The following COL5A1 variants were observed in gnomAD, a reference collection of about 807,000 sequenced individuals.
COL5A1 encodes the protein collagen alpha-1(V) chain.
In COL5A1, 16 loss-of-function variants were observed where a neutral mutation model predicts 263.7. That is an observed-to-expected ratio of 0.06 (90% CI 0.04 to 0.09). The LOEUF (loss-of-function observed/expected upper bound fraction) is 0.09. COL5A1 is among the 10% of genes least tolerant of loss of function. The pLI is 1.00. For missense variants in COL5A1, 2,036 were observed against 2,540.5 expected (o/e 0.80, Z 4.27); for synonymous variants, 1,012 against 1,004.5 (o/e 1.01, Z -0.14).
rs771130127 is a variant in COL5A1, at chr9:134,814,017, C to T, written c.3887C>T (p.Pro1296Leu). ...GGCGAAGCAGGTGAGCCTGGCCTTC[C>T]GGGAGAAGGCGGCCCCCCGGTGAGT... ...EPGEAGEPGL[P>L]GEGGPPGPKG... Residue 1296 changes from proline (P) to leucine (L), a missense_variant, in exon 49 of 66, where the codon CCG becomes CTG. By Grantham distance (98) the Pro-to-Leu change is moderately conservative. This residue lies in a region of COL5A1 where 1,078 missense variants were observed against 1,521.4 expected (regional missense o/e 0.71). Transcript: ENST00000371817. The T allele has an allele frequency of 2.1e-5, 32 of 1,550,722 alleles. No individual in the cohort carries two copies. Among genetic ancestry groups the T allele is most frequent in the Middle Eastern group, 1.7e-4 (1 of 6,014 alleles).
intron 31 of COL5A1, among the ~76,000 whole-genome samples, chr9:134,787,358 A>G (rs1420582902): frequency 6.6e-6 from 1 of 152,174 alleles, no homozygotes; most frequent in African/African-American, 2.4e-5. Flanking sequence ...CCCCCTGCCT[A>G]GATTGGCAGG....
chr9:134,701,707 G>T (rs575154089), intron 4 of COL5A1, among the ~76,000 whole-genome samples: 1 of 152,288 alleles, frequency 6.6e-6, no homozygotes, highest in Admixed American at 6.5e-5. Context: ...TGGGACAGGG[G>T]CAGCTGTCCT....
chr9:134,775,100 G>A (rs1212755059), intron 27 of COL5A1, among the ~76,000 whole-genome samples, 188 bp downstream of exon 27: 1 of 152,252 alleles, frequency 6.6e-6, no homozygotes, highest in Non-Finnish European at 1.5e-5. Flanking sequence ...GCAGGTGAGG[G>A]TGTGACCAGC....
intron 1 of COL5A1, among the ~76,000 whole-genome samples, chr9:134,650,504 C>T (rs894510584): frequency 2.5e-4 from 38 of 152,364 alleles, no homozygotes; most frequent in African/African-American, 8.2e-4. Flanking sequence ...ATAGGCGAGC[C>T]GTCTGTGCCC....
intron 14 of COL5A1, among the ~76,000 whole-genome samples, chr9:134,753,644 T>C (rs1454431508): frequency 6.6e-6 from 1 of 152,146 alleles, no homozygotes; most frequent in East Asian, 1.9e-4. Context: ...TAGGAAGAGA[T>C]CCAAACAACT....
intron 1 of COL5A1, among the ~76,000 whole-genome samples, chr9:134,685,010 TGATC>T (rs1355906293): frequency 1.9e-4 from 8 of 41,784 alleles, no homozygotes; most frequent in Non-Finnish European, 2.8e-4. Flanking sequence ...ATCCATTAAT[TGATC>T]CATCCATCCA....
In COL5A1 at chr9:134,682,513, G is replaced by T. The variant is rs1244600598; in HGVS notation, c.110-8399G>T. Among the ~76,000 whole-genome samples the T allele has an allele frequency of 6.6e-6, 1 of 152,224 alleles. No homozygotes were observed. Among genetic ancestry groups the T allele is most frequent in the Non-Finnish European group, 1.5e-5 (1 of 68,050 alleles). ...TGGAAATAACCTTCTAATGAGATAA[G>T]GAGATAAAGATGATACTAGAATCCT... is the stretch of plus-strand genomic sequence containing the variant. On this transcript the variant is annotated intron_variant, in intron 1 of 65. Coordinates refer to ENST00000371817, the MANE Select transcript of COL5A1 (RefSeq NM_000093.5). This position sits in a 1 kb window ranked among gnomAD's most constrained non-coding sequence, Gnocchi z 5.1.
At chr9:134,823,519 C>T in intron 61 of COL5A1, 50 bp downstream of exon 61, 2 of 1,590,128 alleles carry the variant, frequency 1.3e-6, no homozygotes, top group Non-Finnish European at 8.6e-7. Flanking sequence ...CTGGCTAGCT[C>T]CGAGGGAATT....
Position 134,717,462 on chromosome 9 carries a change from C to T in COL5A1, c.655-9804C>T, listed in dbSNP as rs193188594. On this transcript the variant is annotated intron_variant, in intron 4 of 65. Transcript: ENST00000371817. ...TGGTTTGCGAACACACCTGAGATCA[C>T]TCAGCCAGCAAGGGGCAGGATTCAG... Among the ~76,000 whole-genome samples the T allele has an allele frequency of 3.1e-3, 465 of 152,330 alleles. 4 individuals are homozygous for T. Among genetic ancestry groups the T allele is most frequent in the African/African-American group, 7.6e-3 (318 of 41,582 alleles).
chr9:134,819,057 A>G lies in COL5A1; in HGVS notation c.4446+4A>G. ...TTCTGGTCCCAAAGGTGAAAAGGTA[A>G]GAGGGGCCTCCCTGCCCCAGCAACT... On this transcript the variant is annotated splice_donor_region_variant and intron_variant, in intron 57 of 65. Coordinates refer to ENST00000371817, the MANE Select transcript of COL5A1 (RefSeq NM_000093.5). 6.2e-7 allele frequency: 1 copy of G among 1,613,252 alleles called. No individual in the cohort carries two copies. The highest frequency in any genetic ancestry group is 8.5e-7 in the Non-Finnish European group (1 of 1,180,002).
At chr9:134,763,041 G>A (rs1426840737) in intron 19 of COL5A1, among the ~76,000 whole-genome samples, 1 of 152,154 alleles carries the variant, frequency 6.6e-6, no homozygotes, top group African/African-American at 2.4e-5. Context: ...GTATGTGTGT[G>A]CACAAGCATG....
At chr9:134,756,154 A>G (rs3128617) in intron 16 of COL5A1, among the ~76,000 whole-genome samples, 26,707 of 152,112 alleles carry the variant, frequency 0.18, 2,761 homozygotes, top group Non-Finnish European at 0.24. Context: ...CTTCAGCCCC[A>G]TGGCCAGTCA....
chr9:134,728,184 C>A (rs573817172), intron 5 of COL5A1, among the ~76,000 whole-genome samples: 1 of 152,256 alleles, frequency 6.6e-6, no homozygotes, highest in Non-Finnish European at 1.5e-5. Context: ...CAGCCGAGTC[C>A]CTGCTGCCCC....
At chr9:134,669,876 G>C (rs1832489148) in intron 1 of COL5A1, among the ~76,000 whole-genome samples, 1 of 152,190 alleles carries the variant, frequency 6.6e-6, no homozygotes, top group African/African-American at 2.4e-5. Flanking sequence ...AAGTCCACAT[G>C]TTCCTGGATA....
Position 134,750,935 on chromosome 9 carries a change from G to A in COL5A1, c.1662+53G>A, listed in dbSNP as rs1361209778. 11 of 1,483,600 alleles carry A rather than the reference G, an allele frequency of 7.4e-6. No individual in the cohort carries two copies. In the Admixed American group the frequency reaches 1.6e-4, roughly 22 times the overall value. The allele number at this position is 1,483,600 out of a possible 1,614,324, so 91.9% of individuals were successfully genotyped here. A position where few individuals can be genotyped will look rare whatever the true frequency, so the allele number is the denominator to read the frequency against. ...TGAAGGGGACAGAGCCCAGCCCCAG[G>A]GGCCAACAGGAGTGAGTGAGTCAGG... On this transcript the variant is annotated intron_variant, in intron 13 of 65. Transcript: ENST00000371817.
At chr9:134,787,867 TG>T (rs1837520105) in intron 31 of COL5A1, among the ~76,000 whole-genome samples, 1 of 152,086 alleles carries the variant, frequency 6.6e-6, no homozygotes, top group Admixed American at 6.5e-5. Flanking sequence ...TATGGGCGCG[TG>T]GGGGATGGTG....
chr9:134,743,773 C>G (rs1465910031), intron 11 of COL5A1, among the ~76,000 whole-genome samples: 1 of 152,108 alleles, frequency 6.6e-6, no homozygotes, highest in Non-Finnish European at 1.5e-5. Flanking sequence ...CCTTCTCCCC[C>G]TCTTTTTTAT....
At chr9:134,773,432 G>C (rs950603675) in intron 26 of COL5A1, among the ~76,000 whole-genome samples, 3 of 152,180 alleles carry the variant, frequency 2.0e-5, no homozygotes, top group Admixed American at 6.5e-5. Flanking sequence ...TAGCCAGTGG[G>C]GACTGCTCTT....
At chr9:134,828,642 A>G (rs796325296) in intron 63 of COL5A1, among the ~76,000 whole-genome samples, 2 of 150,998 alleles carry the variant, frequency 1.3e-5, no homozygotes, top group Admixed American at 1.3e-4. Context: ...CACACGATAA[A>G]CACCACACAT....
Sources: allele counts gnomAD v4.1 joint callset (sites outside exome capture counted in the v4.1 genomes callset), GRCh38; gene constraint gnomAD v4.1.1; regional missense constraint gnomAD v4.1.1; non-coding constraint Gnocchi (gnomAD v3.1); transcripts MANE v1.5; gene names NCBI Gene and HGNC (gene_info 2026-07-23, HGNC 2026-07-21).